The following EIF2A variants were observed in gnomAD, a reference collection of about 807,000 sequenced individuals.
EIF2A encodes the protein eukaryotic translation initiation factor 2A, also known as 65 kDa eukaryotic translation initiation factor 2A.
A neutral mutation model predicts 75.2 loss-of-function variants in EIF2A; 62 were observed. The observed-to-expected ratio is 0.82, with a 90% CI of 0.67 to 1.02. The LOEUF is 1.02. Ranked by LOEUF, EIF2A falls within the 50% of genes least tolerant of loss-of-function variation. The probability of loss-of-function intolerance (pLI) is 0.00; values close to 1 mark genes in which losing one functional copy is unlikely to be tolerated. For missense variants in EIF2A, 611 were observed against 677.7 expected (o/e 0.90, Z 1.09); for synonymous variants, 207 against 239.0 (o/e 0.87, Z 1.23).
Position 150,572,383 on chromosome 3 carries a change from T to G in EIF2A, c.1237T>G (p.Trp413Gly). 6 of 1,614,024 alleles carry G rather than the reference T, an allele frequency of 3.7e-6. No individual in the cohort carries two copies. The highest frequency in any genetic ancestry group is 5.1e-6 in the Non-Finnish European group (6 of 1,179,884). Residue 413 changes from tryptophan to glycine, a missense_variant, in exon 10 of 14, where the codon TGG becomes GGG. Transcript: ENST00000460851. ...AAATGCAGAATTATGGCAGGTTTCT[T>G]GGCAGCCATTTTTGGATGGAATATT... ...PSNAELWQVSWQPFLDGIFPA... is the reference protein window; with the variant it reads ...PSNAELWQVSGQPFLDGIFPA...
chr3:150,564,765 A>G (rs2107928996), intron 6 of EIF2A: 1 of 179,762 alleles, frequency 5.6e-6, no homozygotes, highest in South Asian at 1.2e-4. Flanking sequence ...CTCTCCAGCT[A>G]CCATCTCTTA....
intron 2 of EIF2A, among the ~76,000 whole-genome samples, chr3:150,554,624 T>G (rs1576588533): frequency 6.6e-6 from 1 of 152,220 alleles, no homozygotes; most frequent in Non-Finnish European, 1.5e-5. Flanking sequence ...ATACTGATGC[T>G]GCAAATCTGG....
Position 150,568,309 on chromosome 3 carries a change from T to C in EIF2A, c.811+17T>C, listed in dbSNP as rs1166786606. Reference sequence around the variant, plus strand: ...TGCAATTACGTGAGTATTCCAGCAGTCTTCCTTTGATTAGAAACAATGATA... The same window carrying C: ...TGCAATTACGTGAGTATTCCAGCAGCCTTCCTTTGATTAGAAACAATGATA... On this transcript the variant is annotated intron_variant, in intron 9 of 13. Transcript: ENST00000460851. 2 of 1,572,278 alleles carry C rather than the reference T, an allele frequency of 1.3e-6. No individual in the cohort carries two copies. Among genetic ancestry groups the C allele is most frequent in the East Asian group, 4.5e-5 (2 of 44,512 alleles).
chr3:150,555,982 G>A (rs2107909825), intron 2 of EIF2A, among the ~76,000 whole-genome samples: 1 of 152,312 alleles, frequency 6.6e-6, no homozygotes, highest in South Asian at 2.1e-4. Flanking sequence ...CTGTTGTGTG[G>A]AGACAGGGTA....
At position 150,567,774 on chromosome 3, in the gene EIF2A, C is replaced by G. The variant is rs139559220; in HGVS notation, c.549+8C>G. On this transcript the variant is annotated splice_region_variant and intron_variant, in intron 7 of 13. Coordinates refer to ENST00000460851, the MANE Select transcript of EIF2A (RefSeq NM_032025.5). ...GGACCCCAACCATACAAGGTAATTG[C>G]TGTTTTTGTTTATGTGTAATATTAT... 439 of 1,567,138 alleles carry G rather than the reference C, an allele frequency of 2.8e-4. 2 individuals carry two copies. In the East Asian group the frequency reaches 9.1e-3, roughly 33 times the overall value.
intron 3 of EIF2A, among the ~76,000 whole-genome samples, chr3:150,560,600 A>G (rs1723796276): frequency 6.6e-6 from 1 of 152,126 alleles, no homozygotes; most frequent in South Asian, 2.1e-4. Context: ...GTGTTTAAAT[A>G]CTATGTGGTA....
Position 150,546,848 on chromosome 3 carries a change from G to T in EIF2A, c.28+18G>T, listed in dbSNP as rs765602352. On this transcript the variant is annotated intron_variant, in intron 1 of 13. Coordinates refer to ENST00000460851, the MANE Select transcript of EIF2A (RefSeq NM_032025.5). ...CTTGACAGGTGAGTTCTGAAGAAGC[G>T]AGGGACTCTCTTTCTTCAGACTAGT... 1.9e-6 allele frequency: 3 copies of T among 1,611,576 alleles called. No homozygotes were observed. The South Asian group carries it at 3.3e-5, about 18-fold the overall frequency.
chr3:150,584,043 T>G lies in EIF2A; in HGVS notation c.*132T>G. On this transcript the variant is annotated 3_prime_UTR_variant, in exon 14 of 14. Transcript: ENST00000460851. Reference sequence around the variant, plus strand: ...TATAATTTTAACCATTTATCCAAGATTCTACTAAGTGTAAAATTATTTAAT... The same window carrying G: ...TATAATTTTAACCATTTATCCAAGAGTCTACTAAGTGTAAAATTATTTAAT... The G allele has an allele frequency of 1.3e-5, 10 of 770,178 alleles. No individual in the cohort carries two copies. Among genetic ancestry groups the G allele is most frequent in the South Asian group, 2.3e-5 (1 of 42,872 alleles). 47.7% of individuals were successfully genotyped at this position (770,178 alleles called of 1,614,324 possible).
rs1269318564 is a variant in EIF2A, at chr3:150,560,822, T to C, written c.174-1720T>C. Among the ~76,000 whole-genome samples the C allele has an allele frequency of 2.0e-5, 3 of 151,718 alleles. No individual in the cohort carries two copies. The East Asian group carries it at 5.8e-4, about 29-fold the overall frequency. On this transcript the variant is annotated intron_variant, in intron 3 of 13. Coordinates refer to ENST00000460851, the MANE Select transcript of EIF2A (RefSeq NM_032025.5). ...TTGGCTGTGGCATTTATCAATAGTA[T>C]GATCTTGAGCAAATCGTCAAATCAT...
At chr3:150,553,322 C>CAA (rs201065260) in intron 2 of EIF2A, among the ~76,000 whole-genome samples, 1,986 of 84,594 alleles carry the variant, frequency 0.023, 58 homozygotes, top group African/African-American at 0.077. Context: ...GACTCCGTCT[C>CAA]AAAAAAAAAA....
At chr3:150,558,365 C>T (rs11924919) in intron 2 of EIF2A, 23 bp from the exon 3 acceptor site, 14,416 of 1,312,938 alleles carry the variant, frequency 0.011, no homozygotes, top group Non-Finnish European at 0.012. Flanking sequence ...TTCATTTAAA[C>T]CTTTTTTTTT....
intron 3 of EIF2A, 145 bp downstream of exon 3, chr3:150,558,607 A>G (rs753997558): frequency 4.7e-5 from 27 of 574,754 alleles, no homozygotes; most frequent in Non-Finnish European, 7.1e-5. Context: ...TCGTTACACA[A>G]AATACCTTCA....
rs553433595 is a variant in EIF2A at position 150,556,812 on chromosome 3, A to G, written c.99-1576A>G. 2.0e-5 allele frequency among the ~76,000 whole-genome samples: 3 copies of G among 152,308 alleles called. No individual in the cohort carries two copies. The South Asian group carries it at 6.2e-4, about 32-fold the overall frequency. On this transcript the variant is annotated intron_variant, in intron 2 of 13. Transcript: ENST00000460851. Reference sequence around the variant, plus strand: ...CGAATTCTGGATTCTGTAGTTTAGTAAGTTTATAATCATTGCGATAAGGGG... The same window carrying G: ...CGAATTCTGGATTCTGTAGTTTAGTGAGTTTATAATCATTGCGATAAGGGG...
intron 12 of EIF2A, among the ~76,000 whole-genome samples, chr3:150,582,831 C>T (rs1028955765): frequency 1.8e-4 from 27 of 152,074 alleles, no homozygotes; most frequent in African/African-American, 5.3e-4. Context: ...CACTTTTTAT[C>T]GGGCAGGACT....
chr3:150,557,465 G>A (rs1454388733), intron 2 of EIF2A: 2 of 184,180 alleles, frequency 1.1e-5, no homozygotes, highest in Non-Finnish European at 2.3e-5. Flanking sequence ...GGACAGTGGC[G>A]CAGGGGTTCA....
chr3:150,571,758 T>A (rs1559882670), intron 9 of EIF2A, among the ~76,000 whole-genome samples, 200 bp from the exon 10 acceptor site: 1 of 152,194 alleles, frequency 6.6e-6, no homozygotes, highest in African/African-American at 2.4e-5. Context: ...GAAATTAAGA[T>A]TCAATAGGGG....
At chr3:150,583,796 C>T in intron 13 of EIF2A, 50 bp from the exon 14 acceptor site, 1 of 1,547,258 alleles carries the variant, frequency 6.5e-7, no homozygotes, top group Non-Finnish European at 8.9e-7. Context: ...ATTTTGGTTA[C>T]ATATCCAGTA....
chr3:150,576,837 C>T (rs12635314), intron 11 of EIF2A, among the ~76,000 whole-genome samples: 31,350 of 152,124 alleles, frequency 0.21, 3,467 homozygotes, highest in East Asian at 0.4. Context: ...TAGTTTCTTA[C>T]TTGATTACGT....
chr3:150,552,817 C>T (rs942819412), intron 2 of EIF2A: 3 of 159,586 alleles, frequency 1.9e-5, no homozygotes, highest in South Asian at 3.6e-4. Flanking sequence ...CATATATATG[C>T]ACATAGTATA....
Sources: gnomAD v4.1 joint callset for allele counts (sites outside exome capture counted in the v4.1 genomes callset) on GRCh38, gnomAD v4.1.1 for gene constraint, MANE v1.5 for transcripts, NCBI Gene and HGNC (gene_info 2026-07-23, HGNC 2026-07-21) for gene names.